The following MTHFD1L variants were observed in gnomAD, a reference collection of about 807,000 sequenced individuals.
The protein encoded by MTHFD1L is methylenetetrahydrofolate dehydrogenase (NADP+ dependent) 1 like, also known as monofunctional C1-tetrahydrofolate synthase, mitochondrial.
MTHFD1L carries 81 observed loss-of-function variants against 119.5 expected under a neutral mutation model. The observed-to-expected ratio is 0.68, with a 90% CI of 0.57 to 0.82. The LOEUF (loss-of-function observed/expected upper bound fraction) is 0.82. Among genes scored for constraint, MTHFD1L ranks in the 40% least tolerant of loss-of-function variants. The pLI is 0.00. For missense variants in MTHFD1L, 1,125 were observed against 1,253.4 expected, an observed-to-expected ratio of 0.90 and a Z score of 1.55; for synonymous variants, 430 against 475.2, an observed-to-expected ratio of 0.90 and a Z score of 1.24.
intron 16 of MTHFD1L, among the ~76,000 whole-genome samples, chr6:150,955,045 G>T (rs1162802193): frequency 6.7e-6 from 1 of 148,518 alleles, no homozygotes. Flanking sequence ...TATACATAAC[G>T]AAATATTTTT....
chr6:151,080,237 G>A lies in MTHFD1L; in HGVS notation c.2848-12230G>A, dbSNP rs189007898. Among the ~76,000 whole-genome samples, 9 of 152,264 alleles carry A rather than the reference G, an allele frequency of 5.9e-5. No homozygotes were observed. The East Asian group carries it at 1.7e-3, about 29-fold the overall frequency. ...TGTTTCTCTGTATTTTTAATATACT[G>A]TGTATGTGCTTATGAGAAACCGAAA... On this transcript the variant is annotated intron_variant, in intron 26 of 27. Coordinates refer to ENST00000367321, the MANE Select transcript of MTHFD1L (RefSeq NM_015440.5).
intron 5 of MTHFD1L, among the ~76,000 whole-genome samples, chr6:150,884,639 A>G (rs1252015978): frequency 6.6e-6 from 1 of 152,160 alleles, no homozygotes; most frequent in Non-Finnish European, 1.5e-5. Flanking sequence ...GGAAAAACCA[A>G]CCAAACAAAA....
intron 26 of MTHFD1L, among the ~76,000 whole-genome samples, chr6:151,079,208 T>G (rs1434046138): frequency 6.6e-6 from 1 of 151,800 alleles, no homozygotes; most frequent in Non-Finnish European, 1.5e-5. Context: ...TAACCAAAAG[T>G]CATGACAGCT....
intron 8 of MTHFD1L, among the ~76,000 whole-genome samples, chr6:150,914,904 A>G (rs913490181): frequency 3.9e-5 from 6 of 152,114 alleles, no homozygotes; most frequent in African/African-American, 1.2e-4. Flanking sequence ...ATCCGACCCT[A>G]CTTGCCTCTC....
chr6:150,955,884 A>T, intron 16 of MTHFD1L, 111 bp from the exon 17 acceptor site: 1 of 863,534 alleles, frequency 1.2e-6, no homozygotes, highest in East Asian at 2.5e-5. Flanking sequence ...GGGGAGCCTG[A>T]CCTTTTCTCT....
chr6:150,876,257 A>G, intron 2 of MTHFD1L, 83 bp downstream of exon 2: 1 of 1,148,680 alleles, frequency 8.7e-7, no homozygotes, highest in Non-Finnish European at 1.2e-6. Context: ...GAGCAGCTGC[A>G]TTTCTTGCCA....
intron 16 of MTHFD1L, among the ~76,000 whole-genome samples, chr6:150,949,682 G>C (rs1167921558): frequency 6.6e-6 from 1 of 152,032 alleles, no homozygotes; most frequent in South Asian, 2.1e-4. Flanking sequence ...CCACCACCTC[G>C]ACTTCCCTGC....
intron 20 of MTHFD1L, among the ~76,000 whole-genome samples, chr6:151,000,166 G>A (rs575292580): frequency 1.8e-4 from 27 of 152,114 alleles, no homozygotes; most frequent in Non-Finnish European, 2.5e-4. Context: ...GTGAAACCCC[G>A]TCTCTACTAA....
At chr6:150,909,812 T>C (rs28658537) in intron 8 of MTHFD1L, among the ~76,000 whole-genome samples, 1 of 152,178 alleles carries the variant, frequency 6.6e-6, no homozygotes. Context: ...GGAAGAGCCC[T>C]GGGATGCTGA....
chr6:151,054,627 G>A lies in MTHFD1L; in HGVS notation c.2847+17510G>A, dbSNP rs1299447566. On this transcript the variant is annotated intron_variant, in intron 26 of 27. Transcript: ENST00000367321. Reference sequence around the variant, plus strand: ...AGTACATCTTCAAAGATCTTGACTTGTAATTTTTTCCCCTGCATCTTCTCT... The same window carrying A: ...AGTACATCTTCAAAGATCTTGACTTATAATTTTTTCCCCTGCATCTTCTCT... Among the ~76,000 whole-genome samples the A allele has an allele frequency of 4.6e-5, 7 of 152,124 alleles. No individual in the cohort carries two copies. In the East Asian group the frequency reaches 1.2e-3, roughly 25 times the overall value.
At chr6:150,952,227 A>C (rs1331207239) in intron 16 of MTHFD1L, among the ~76,000 whole-genome samples, 1 of 152,214 alleles carries the variant, frequency 6.6e-6, no homozygotes, top group Non-Finnish European at 1.5e-5. Flanking sequence ...TGGACAAGCT[A>C]CCTGGGTCAG....
Position 150,868,105 on chromosome 6 carries a change from A to G in MTHFD1L, c.227+2056A>G, listed in dbSNP as rs1244960564. Among the ~76,000 whole-genome samples, 5 of 151,814 alleles carry G rather than the reference A, an allele frequency of 3.3e-5. No individual in the cohort carries two copies. In the East Asian group the frequency reaches 7.8e-4, roughly 24 times the overall value. On this transcript the variant is annotated intron_variant, in intron 1 of 27. Coordinates refer to ENST00000367321, the MANE Select transcript of MTHFD1L (RefSeq NM_015440.5). ...GTGACCCACCGCGCCTGGGCTATTC[A>G]TGCATACTTTTAGGTTTAAAGCCAT...
chr6:151,088,769 G>A (rs1794094592), intron 26 of MTHFD1L, among the ~76,000 whole-genome samples: 2 of 151,910 alleles, frequency 1.3e-5, no homozygotes, highest in Admixed American at 1.3e-4. Context: ...GCCAGGTTTA[G>A]ATCCTGGTTT....
rs542742786 is a variant in MTHFD1L, at chr6:150,955,522, G to C, written c.1727-473G>C. ...TTTTTTTTTTTTTTTTTTTTTTAGAGGGGGTCTCACTCTGTCGCCCAGGCT... is the reference window on the plus strand; with the variant it reads ...TTTTTTTTTTTTTTTTTTTTTTAGACGGGGTCTCACTCTGTCGCCCAGGCT... On this transcript the variant is annotated intron_variant, in intron 16 of 27. Coordinates refer to ENST00000367321, the MANE Select transcript of MTHFD1L (RefSeq NM_015440.5). Among the ~76,000 whole-genome samples the C allele has an allele frequency of 3.4e-5, 5 of 145,606 alleles. No individual in the cohort carries two copies. In the South Asian group the frequency reaches 6.7e-4, roughly 20 times the overall value.
At chr6:150,974,347 A>G (rs1776234899) in intron 20 of MTHFD1L, among the ~76,000 whole-genome samples, 1 of 152,184 alleles carries the variant, frequency 6.6e-6, no homozygotes, top group South Asian at 2.1e-4. Context: ...CACTATTGAT[A>G]CACTACTGAT....
intron 7 of MTHFD1L, among the ~76,000 whole-genome samples, chr6:150,893,592 A>G (rs1336841666): frequency 6.6e-6 from 1 of 152,118 alleles, no homozygotes; most frequent in Admixed American, 6.6e-5. Context: ...CCCTCAACAC[A>G]TACCTGCTGT....
chr6:151,011,646 A>G (rs1030464214), intron 21 of MTHFD1L, among the ~76,000 whole-genome samples: 3 of 152,226 alleles, frequency 2.0e-5, no homozygotes, highest in Admixed American at 6.5e-5. Context: ...CAGTGGTTGC[A>G]CTTTCGTGCC....
chr6:150,869,225 G>A (rs2128717807), intron 1 of MTHFD1L, among the ~76,000 whole-genome samples: 1 of 152,098 alleles, frequency 6.6e-6, no homozygotes, highest in East Asian at 1.9e-4. Context: ...TTGTTACATA[G>A]GTATACATGC....
chr6:151,065,746 G>A (rs539942751), intron 26 of MTHFD1L, among the ~76,000 whole-genome samples: 1 of 152,214 alleles, frequency 6.6e-6, no homozygotes, highest in African/African-American at 2.4e-5. Context: ...GCCAGGGTGT[G>A]GCCATACATG....
Sources: allele counts gnomAD v4.1 joint callset (sites outside exome capture counted in the v4.1 genomes callset), GRCh38; gene constraint gnomAD v4.1.1; transcripts MANE v1.5; gene names NCBI Gene and HGNC (gene_info 2026-07-23, HGNC 2026-07-21).